GNS: variants seen among roughly 807,000 people sequenced by gnomAD.
GNS encodes the protein N-acetylglucosamine-6-sulfatase.
In GNS, 40 loss-of-function variants were observed where a neutral mutation model predicts 69.7. That is an observed-to-expected ratio of 0.57 (90% CI 0.45 to 0.75). GNS has a LOEUF of 0.75. Among genes scored for constraint, GNS ranks in the 30% least tolerant of loss-of-function variants. GNS has a pLI of 0.00. For missense variants in GNS, 565 were observed against 685.5 expected, an observed-to-expected ratio of 0.82 and a Z score of 1.96; for synonymous variants, 243 against 251.6, an observed-to-expected ratio of 0.97 and a Z score of 0.32.
At chr12:64,754,605 T>C (rs1226298501) in intron 1 of GNS, among the ~76,000 whole-genome samples, 2 of 151,990 alleles carry the variant, frequency 1.3e-5, no homozygotes, top group East Asian at 3.9e-4. Context: ...ATTTAGACTT[T>C]AGGCCCGGTG....
At chr12:64,752,945 A>G in intron 1 of GNS, 188 bp from the exon 2 acceptor site, 1 of 600,746 alleles carries the variant, frequency 1.7e-6, no homozygotes, top group East Asian at 2.8e-5. Context: ...CATCCTGTAT[A>G]AAAGTGCAGG....
At position 64,740,614 on chromosome 12, in the gene GNS, A is replaced by T. The variant is rs759893796; in HGVS notation, c.867T>A (p.Phe289Leu). 2.0e-6 allele frequency: 3 copies of T among 1,524,728 alleles called. No individual in the cohort carries two copies. The highest frequency in any genetic ancestry group is 2.7e-6 in the Non-Finnish European group (3 of 1,098,364). 94.4% of individuals were successfully genotyped at this position (1,524,728 alleles called of 1,614,324 possible). The change falls in exon 7 of 14, where the codon TTT becomes TTA. Residue 289 changes from phenylalanine (F) to leucine (L), a missense_variant. This residue lies in a region of GNS where 384 missense variants were observed against 511.0 expected (regional missense o/e 0.75). Transcript: ENST00000258145. ...NSSIQFLDNAFRKRWQTLLSV... is the reference protein window; with the variant it reads ...NSSIQFLDNALRKRWQTLLSV... ...GTAGCAGCAGCTCTTACCTTTTCCTAAATGCATTATCTAAAAACTGTATTG... is the reference window on the plus strand; with the variant it reads ...GTAGCAGCAGCTCTTACCTTTTCCTTAATGCATTATCTAAAAACTGTATTG...
At chr12:64,720,267 G>C in intron 12 of GNS, 85 bp from the exon 13 acceptor site, 1 of 916,282 alleles carries the variant, frequency 1.1e-6, no homozygotes, top group Non-Finnish European at 1.8e-6. Flanking sequence ...TTTCTAAAGG[G>C]GAAGGGAGGA....
Position 64,752,695 on chromosome 12 carries a change from TA to T in GNS, c.252+2del. On this transcript the variant is annotated splice_donor_variant, in intron 2 of 13. Transcript: ENST00000258145. LOFTEE classifies it high-confidence loss of function. ...ACAAAATTGAATTAACTTTCAAACT[TA>T]CAGCACTGGAAAAAGTCATCCCCAT... 6.9e-7 allele frequency: 1 copy of T among 1,444,640 alleles called. No individual in the cohort carries two copies. The highest frequency in any genetic ancestry group is 9.7e-7 in the Non-Finnish European group (1 of 1,027,360). The allele number at this position is 1,444,640 out of a possible 1,614,324, so 89.5% of individuals were successfully genotyped here.
chr12:64,721,685 T>A lies in GNS; in HGVS notation c.1329A>T (p.Val443=). The change falls in exon 12 of 14, where the codon GTA becomes GTT. Residue 443 remains valine, a synonymous_variant. Transcript: ENST00000258145. ...PGVSQCFPDC[V]CEDAYNNTYA... ...AGGTATTGTTATAAGCATCTTCACA[T>A]ACACAGTCTGGGAAGCATTGCTGTA... is the stretch of plus-strand genomic sequence containing the variant. 1 of 1,549,950 alleles carries A rather than the reference T, an allele frequency of 6.5e-7. No individual in the cohort carries two copies. Among genetic ancestry groups the A allele is most frequent in the Non-Finnish European group, 8.9e-7 (1 of 1,121,310 alleles).
In GNS at chr12:64,714,532, A is replaced by C. The variant is rs2136234440; in HGVS notation, c.*2209T>G. On this transcript the variant is annotated 3_prime_UTR_variant, in exon 14 of 14. Transcript: ENST00000258145. Reference sequence around the variant, plus strand: ...AAAAAAAGAATTGGAAGCTATTTGAAGGTTAGATAGGAAATATACCAAAAA... The same window carrying C: ...AAAAAAAGAATTGGAAGCTATTTGACGGTTAGATAGGAAATATACCAAAAA... 1 of 152,332 alleles carries C rather than the reference A, an allele frequency of 6.6e-6. No individual in the cohort carries two copies. The highest frequency in any genetic ancestry group is 2.1e-4 in the South Asian group (1 of 4,832). 9.4% of individuals were successfully genotyped at this position (152,332 alleles called of 1,614,324 possible). A position where few individuals can be genotyped will look rare whatever the true frequency, so the allele number is the denominator to read the frequency against.
At position 64,745,744 on chromosome 12, in the gene GNS, G is replaced by A. The variant is rs778325313; in HGVS notation, c.460-20C>T. ...TCCGTACTGAAAAGCAAAACAAGTA[G>A]GGACAATTACAAGTCCTTAGATATG... On this transcript the variant is annotated intron_variant, in intron 3 of 13. Transcript: ENST00000258145. The A allele has an allele frequency of 6.6e-7, 1 of 1,513,944 alleles. No homozygotes were observed. The highest frequency in any genetic ancestry group is 9.2e-7 in the Non-Finnish European group (1 of 1,088,512). 93.8% of individuals were successfully genotyped at this position (1,513,944 alleles called of 1,614,324 possible).
At chr12:64,737,417 C>T (rs1350213266) in intron 8 of GNS, among the ~76,000 whole-genome samples, 2 of 152,192 alleles carry the variant, frequency 1.3e-5, no homozygotes. Context: ...TCAGCCTCAT[C>T]ACAACTGAAT....
rs748087983 is a variant in GNS, at chr12:64,729,032, C to G, written c.1124G>C (p.Gly375Ala). Residue 375 changes from glycine to alanine, a missense_variant, in exon 10 of 14, where the codon GGT (glycine) becomes GCT (alanine). By Grantham distance (60) the Gly-to-Ala change is moderately conservative. Around this residue, in one of 2 missense-constraint regions of GNS, gnomAD observed 384 missense variants for 511.0 expected, o/e 0.75. Transcript: ENST00000258145. ...GCCAGCAATGTCCAAAATAGTAGGA[C>G]CCAAGTCAATGTTGGCAACCAGCAT... ...SKMLVANIDL[G>A]PTILDIAGYD... The G allele has an allele frequency of 7.5e-6, 12 of 1,590,198 alleles. No individual in the cohort carries two copies. Among genetic ancestry groups the G allele is most frequent in the Non-Finnish European group, 1.0e-5 (12 of 1,158,354 alleles).
intron 10 of GNS, among the ~76,000 whole-genome samples, chr12:64,723,546 A>C (rs1403135380): frequency 6.6e-6 from 1 of 152,234 alleles, no homozygotes; most frequent in Non-Finnish European, 1.5e-5. Flanking sequence ...TATTCCACAG[A>C]CTTGTGTGCT....
At chr12:64,752,329 T>C (rs1309010502) in intron 2 of GNS, among the ~76,000 whole-genome samples, 2 of 152,244 alleles carry the variant, frequency 1.3e-5, no homozygotes, top group Non-Finnish European at 2.9e-5. Context: ...TCTGCATCTA[T>C]ATTTATGGGG....
intron 1 of GNS, among the ~76,000 whole-genome samples, chr12:64,754,518 T>C (rs373117747): frequency 1.3e-5 from 2 of 151,856 alleles, no homozygotes; most frequent in East Asian, 1.9e-4. Context: ...GGAAGCAGCT[T>C]AGGGAGGAAA....
At position 64,716,453 on chromosome 12, in the gene GNS, T is replaced by C. The variant is rs1241239648; in HGVS notation, c.*288A>G. On this transcript the variant is annotated 3_prime_UTR_variant, in exon 14 of 14. Transcript: ENST00000258145. ...AACCACAAGAGGAATAATCAAGAAC[T>C]GTGGCCCCAGGATAAAAAGAATACA... The C allele has an allele frequency of 3.0e-5, 14 of 463,654 alleles. No individual in the cohort carries two copies. Among genetic ancestry groups the C allele is most frequent in the African/African-American group, 2.6e-4 (13 of 50,872 alleles). 28.7% of individuals were successfully genotyped at this position (463,654 alleles called of 1,614,324 possible).
rs993253051 is a variant in GNS, at chr12:64,759,087, T to A, written c.190A>T (p.Met64Leu). The part of the protein sequence containing the change: ...TDDQDEVLGG[M>L]TPLKKTKALI... Reference sequence around the variant, plus strand: ...CGGGGCAGAAACAGAAGAGTTACCATGCCGCCGAGCACTTCGTCCTGGTCG... The same window carrying A: ...CGGGGCAGAAACAGAAGAGTTACCAAGCCGCCGAGCACTTCGTCCTGGTCG... Residue 64 changes from methionine (M) to leucine (L), a missense_variant and splice_region_variant, in exon 1 of 14, where the codon ATG (methionine) becomes TTG (leucine). Coordinates refer to ENST00000258145, the MANE Select transcript of GNS (RefSeq NM_002076.4). 2 of 1,559,758 alleles carry A rather than the reference T, an allele frequency of 1.3e-6. No individual in the cohort carries two copies. The highest frequency in any genetic ancestry group is 1.7e-6 in the Non-Finnish European group (2 of 1,151,502).
At position 64,714,356 on chromosome 12, in the gene GNS, A is replaced by C. The variant is rs978591209; in HGVS notation, c.*2385T>G. 2 of 152,228 alleles carry C rather than the reference A, an allele frequency of 1.3e-5. No individual in the cohort carries two copies. Among genetic ancestry groups the C allele is most frequent in the Non-Finnish European group, 2.9e-5 (2 of 68,048 alleles). The allele number at this position is 152,228 out of a possible 1,614,324, so 9.4% of individuals were successfully genotyped here. On this transcript the variant is annotated 3_prime_UTR_variant, in exon 14 of 14. Coordinates refer to ENST00000258145, the MANE Select transcript of GNS (RefSeq NM_002076.4). ...AACATGGAAAATCAAAATCTAAATG[A>C]ATACAATTAAAAGGAGGCAGCAAGC...
At chr12:64,747,486 CCATAT>C (rs1287017456) in intron 3 of GNS, among the ~76,000 whole-genome samples, 5 of 152,060 alleles carry the variant, frequency 3.3e-5, no homozygotes, top group Admixed American at 3.3e-4. Flanking sequence ...GAACAAGTGC[CCATAT>C]CATATAAATA....
chr12:64,721,130 T>C (rs1869013796), intron 12 of GNS, among the ~76,000 whole-genome samples: 1 of 152,208 alleles, frequency 6.6e-6, no homozygotes, highest in African/African-American at 2.4e-5. Context: ...ATCCTTCAGA[T>C]AATCCATACC....
intron 2 of GNS, among the ~76,000 whole-genome samples, chr12:64,748,432 T>C (rs1418533813): frequency 5.3e-5 from 8 of 151,724 alleles, no homozygotes; most frequent in Admixed American, 5.2e-4. Context: ...TTGCCTCAAA[T>C]TCCTGGATTC....
chr12:64,742,096 C>T (rs780823561), intron 6 of GNS, among the ~76,000 whole-genome samples: 4 of 152,104 alleles, frequency 2.6e-5, no homozygotes, highest in Non-Finnish European at 5.9e-5. Context: ...TCTCGGCTCA[C>T]GGCAAGCTCC....
Sources: allele counts gnomAD v4.1 joint callset (sites outside exome capture counted in the v4.1 genomes callset), GRCh38; gene constraint gnomAD v4.1.1; regional missense constraint gnomAD v4.1.1; transcripts MANE v1.5; gene names NCBI Gene and HGNC (gene_info 2026-07-23, HGNC 2026-07-21).